Variants in CADPS observed in about 807,000 individuals in gnomAD.
The protein encoded by CADPS is calcium dependent secretion activator.
CADPS carries 57 observed loss-of-function variants against 167.3 expected under a neutral mutation model. The observed-to-expected ratio is 0.34, with a 90% CI of 0.28 to 0.42. CADPS has a LOEUF of 0.42. CADPS is among the 20% of genes least tolerant of loss of function. The pLI, the probability that CADPS is intolerant of heterozygous loss-of-function variation, is 1.00. For missense variants in CADPS, 1,414 were observed against 1,738.1 expected (o/e 0.81, Z 3.32); for synonymous variants, 676 against 635.3 (o/e 1.06, Z -0.96).
At chr3:62,635,577 T>C (rs558196200) in intron 6 of CADPS, among the ~76,000 whole-genome samples, 1 of 152,288 alleles carries the variant, frequency 6.6e-6, no homozygotes, top group African/African-American at 2.4e-5. Flanking sequence ...ATTCATTACT[T>C]AGTAAATGAC....
intron 27 of CADPS, chr3:62,440,759 A>G (rs1302793567): frequency 1.3e-5 from 2 of 152,208 alleles, no homozygotes; most frequent in East Asian, 3.9e-4. Context: ...TGCAGATAAG[A>G]GAGAGCTATC....
At chr3:62,566,397 G>A (rs2080202064) in intron 9 of CADPS, among the ~76,000 whole-genome samples, 1 of 140,666 alleles carries the variant, frequency 7.1e-6, no homozygotes, top group African/African-American at 2.6e-5. Flanking sequence ...GGGGCCAATT[G>A]CCACCGCTTG....
At chr3:62,591,616 C>T (rs557570013) in intron 7 of CADPS, among the ~76,000 whole-genome samples, 3 of 152,244 alleles carry the variant, frequency 2.0e-5, no homozygotes, top group African/African-American at 7.2e-5. Flanking sequence ...GATTTTACCA[C>T]AAGCAGGTGG....
intron 27 of CADPS, among the ~76,000 whole-genome samples, chr3:62,441,909 G>T (rs976408635): frequency 1.3e-5 from 2 of 152,060 alleles, no homozygotes; most frequent in Non-Finnish European, 2.9e-5. Context: ...TAGTCCATTG[G>T]TTTCCCAACT....
intron 6 of CADPS, among the ~76,000 whole-genome samples, chr3:62,598,292 T>A (rs1027852368): frequency 1.3e-5 from 2 of 152,148 alleles, no homozygotes; most frequent in African/African-American, 4.8e-5. Flanking sequence ...GAGAAGTGGA[T>A]GTTGGCTGAC....
At chr3:62,471,398 A>G in intron 24 of CADPS, among the ~76,000 whole-genome samples, 1 of 152,196 alleles carries the variant, frequency 6.6e-6, no homozygotes, top group East Asian at 1.9e-4. Flanking sequence ...CTGAAATTGT[A>G]GAGTAATAAT....
At chr3:62,435,139 A>G (rs2054734668) in intron 28 of CADPS, among the ~76,000 whole-genome samples, 1 of 152,242 alleles carries the variant, frequency 6.6e-6, no homozygotes, top group Non-Finnish European at 1.5e-5. Context: ...AATCTCACAG[A>G]GCAACAAGTC....
chr3:62,591,213 A>C (rs574436615), intron 7 of CADPS, among the ~76,000 whole-genome samples: 1 of 152,294 alleles, frequency 6.6e-6, no homozygotes, highest in Non-Finnish European at 1.5e-5. Context: ...GGTAGTGAAC[A>C]AAATAGTTTA....
intron 28 of CADPS, among the ~76,000 whole-genome samples, chr3:62,407,052 CT>C (rs1238487636): frequency 6.6e-6 from 1 of 152,082 alleles, no homozygotes; most frequent in Non-Finnish European, 1.5e-5. Flanking sequence ...TGAAATCATG[CT>C]CATAAAGCAC....
chr3:62,427,867 T>A (rs9845904), intron 28 of CADPS, among the ~76,000 whole-genome samples: 2 of 150,542 alleles, frequency 1.3e-5, no homozygotes, highest in Non-Finnish European at 3.0e-5. Flanking sequence ...TGTTCTTTTC[T>A]AAAAAAAAAA....
chr3:62,419,431 T>C (rs1372801253), intron 28 of CADPS, among the ~76,000 whole-genome samples: 1 of 152,176 alleles, frequency 6.6e-6, no homozygotes, highest in Non-Finnish European at 1.5e-5. Flanking sequence ...ACTTACTGTT[T>C]TGAGAAAATG....
chr3:62,837,643 G>C (rs1446494760), intron 1 of CADPS, among the ~76,000 whole-genome samples: 1 of 152,102 alleles, frequency 6.6e-6, no homozygotes. Flanking sequence ...GTGACCCTGT[G>C]CCAGTATATG....
Position 62,399,415 on chromosome 3 carries a change from T to G in CADPS, c.4053A>C (p.Glu1351Asp). 6.2e-7 allele frequency: 1 copy of G among 1,614,166 alleles called. No homozygotes were observed. Reference protein sequence around the residue: ...SMKDSDEEDEEDD With the variant: ...SMKDSDEEDEDDD ...TCTAGGACCAAATGGTCTAATCGTC[T>G]TCTTCGTCTTCCTCATCGCTGTCCT... Residue 1351 changes from glutamate (E) to aspartate (D), a missense_variant, in exon 30 of 30, where the codon GAA (glutamate) becomes GAC (aspartate). Coordinates refer to ENST00000383710, the MANE Select transcript of CADPS (RefSeq NM_003716.4). This position sits in a 1 kb window ranked among gnomAD's most constrained non-coding sequence, Gnocchi z 5.6.
At chr3:62,706,377 G>C (rs934409522) in intron 3 of CADPS, among the ~76,000 whole-genome samples, 13 of 151,984 alleles carry the variant, frequency 8.6e-5, no homozygotes, top group African/African-American at 3.1e-4. Context: ...TCATTAATTT[G>C]ATCACGGACT....
At chr3:62,635,639 T>C (rs902382248) in intron 6 of CADPS, among the ~76,000 whole-genome samples, 14 of 66,036 alleles carry the variant, frequency 2.1e-4, no homozygotes, top group African/African-American at 7.3e-4. Context: ...CTTTTCGGGC[T>C]TTCTCTGTTT....
At chr3:62,728,449 T>C (rs925821437) in intron 3 of CADPS, among the ~76,000 whole-genome samples, 1 of 151,928 alleles carries the variant, frequency 6.6e-6, no homozygotes, top group Non-Finnish European at 1.5e-5. Context: ...TGGAAGATAC[T>C]GAGCCAAATC....
chr3:62,495,753 A>C (rs2064625061), intron 18 of CADPS, among the ~76,000 whole-genome samples: 2 of 152,228 alleles, frequency 1.3e-5, no homozygotes, highest in African/African-American at 4.8e-5. Context: ...ACATGAAGGC[A>C]TAATTCGTGT....
chr3:62,652,399 C>CA (rs57075270), intron 4 of CADPS, among the ~76,000 whole-genome samples: 234 of 120,148 alleles, frequency 1.9e-3, no homozygotes, highest in Middle Eastern at 8.5e-3. Flanking sequence ...TCTGTGTGGC[C>CA]AAAAAAAAAA....
chr3:62,448,683 G>A (rs113326668), intron 26 of CADPS, among the ~76,000 whole-genome samples: 20 of 151,844 alleles, frequency 1.3e-4, no homozygotes, highest in Non-Finnish European at 1.8e-4. Flanking sequence ...GCGCGATCTC[G>A]GCCCACTGCA....
Sources: gnomAD v4.1 joint callset for allele counts (sites outside exome capture counted in the v4.1 genomes callset) on GRCh38, gnomAD v4.1.1 for gene constraint, Gnocchi (gnomAD v3.1) non-coding constraint, MANE v1.5 for transcripts, NCBI Gene and HGNC (gene_info 2026-07-23, HGNC 2026-07-21) for gene names.